MIPOL1: variants seen among roughly 807,000 people sequenced by gnomAD.
MIPOL1 encodes mirror-image polydactyly 1.
In MIPOL1, 57 loss-of-function variants were observed where a neutral mutation model predicts 60.9. The ratio of observed to expected loss-of-function variants is 0.94; its 90% CI spans 0.76 to 1.17. The LOEUF is 1.17. Ranked by LOEUF, MIPOL1 falls within the 50% of genes most tolerant of loss-of-function variation. The pLI is 0.00. For synonymous variants in MIPOL1, 179 were observed against 168.8 expected, an observed-to-expected ratio of 1.06 and a Z score of -0.47; for missense variants, 551 against 511.6, an observed-to-expected ratio of 1.08 and a Z score of -0.74.
At chr14:37,271,312 A>G (rs1225012250) in intron 6 of MIPOL1, among the ~76,000 whole-genome samples, 3 of 152,014 alleles carry the variant, frequency 2.0e-5, no homozygotes, top group African/African-American at 7.2e-5. Flanking sequence ...GATATCACTG[A>G]TTTTTAACAT....
At chr14:37,464,171 T>C (rs1441664252) in intron 11 of MIPOL1, among the ~76,000 whole-genome samples, 1 of 152,208 alleles carries the variant, frequency 6.6e-6, no homozygotes, top group Admixed American at 6.5e-5. Flanking sequence ...TGTAAATTAG[T>C]ACAACCTCTA....
chr14:37,430,750 A>C (rs1348978572), intron 11 of MIPOL1, among the ~76,000 whole-genome samples: 3 of 152,306 alleles, frequency 2.0e-5, no homozygotes, highest in African/African-American at 7.2e-5. Flanking sequence ...ATATTAATAA[A>C]TGTAATTTAT....
chr14:37,449,636 C>G (rs1479746646), intron 11 of MIPOL1, among the ~76,000 whole-genome samples: 1 of 151,936 alleles, frequency 6.6e-6, no homozygotes, highest in Non-Finnish European at 1.5e-5. Flanking sequence ...AACCGTGTGC[C>G]AAATAGAATG....
intron 10 of MIPOL1, among the ~76,000 whole-genome samples, chr14:37,386,753 A>G (rs1302301545): frequency 1.3e-5 from 2 of 152,002 alleles, no homozygotes; most frequent in African/African-American, 4.8e-5. Flanking sequence ...ATACAGAATT[A>G]AGTGCTTAGT....
intron 12 of MIPOL1, among the ~76,000 whole-genome samples, chr14:37,515,329 A>C (rs551352556): frequency 6.6e-6 from 1 of 151,632 alleles, no homozygotes; most frequent in African/African-American, 2.4e-5. Flanking sequence ...AGACTACTTT[A>C]GCAGGTCTTT....
intron 9 of MIPOL1, 50 bp downstream of exon 9, chr14:37,308,569 A>G: frequency 2.2e-6 from 3 of 1,357,114 alleles, no homozygotes; most frequent in Non-Finnish European, 2.9e-6. Context: ...TTTCCTCTCT[A>G]TTTTTTTAAC....
At chr14:37,471,762 C>T (rs968507648) in intron 11 of MIPOL1, among the ~76,000 whole-genome samples, 2 of 152,010 alleles carry the variant, frequency 1.3e-5, no homozygotes, top group Admixed American at 6.6e-5. Context: ...GGCCTTTGTA[C>T]GTGTTCCTCC....
intron 11 of MIPOL1, among the ~76,000 whole-genome samples, chr14:37,423,182 T>A (rs1298264472): frequency 6.6e-6 from 1 of 151,790 alleles, no homozygotes; most frequent in Non-Finnish European, 1.5e-5. Flanking sequence ...GAAATTTACA[T>A]AATCCATTAC....
At chr14:37,423,517 T>C (rs1156386340) in intron 11 of MIPOL1, 1 of 151,872 alleles carries the variant, frequency 6.6e-6, no homozygotes, top group Admixed American at 6.6e-5. Context: ...GGTAAACTTT[T>C]GTTTCAGGTT....
chr14:37,215,207 TGACCTTACCTATCATTG>T (rs1967421633), intron 1 of MIPOL1, among the ~76,000 whole-genome samples: 1 of 152,144 alleles, frequency 6.6e-6, no homozygotes, highest in African/African-American at 2.4e-5. Flanking sequence ...GTGACCAATG[TGACCTTACCTATCATTG>T]GAGATGGCTC....
At chr14:37,402,978 C>T (rs759344801) in intron 10 of MIPOL1, among the ~76,000 whole-genome samples, 11 of 152,110 alleles carry the variant, frequency 7.2e-5, no homozygotes, top group Non-Finnish European at 1.6e-4. Context: ...ACAACCTGTT[C>T]GTTTCCACAG....
intron 9 of MIPOL1, among the ~76,000 whole-genome samples, chr14:37,363,643 G>A (rs533471040): frequency 6.6e-6 from 1 of 152,284 alleles, no homozygotes; most frequent in South Asian, 2.1e-4. Flanking sequence ...TGCCGTGCTG[G>A]GAGAACCACT....
chr14:37,483,240 G>A (rs1235914699), intron 11 of MIPOL1, among the ~76,000 whole-genome samples: 2 of 151,564 alleles, frequency 1.3e-5, no homozygotes, highest in African/African-American at 2.4e-5. Flanking sequence ...AGCCTCCCGA[G>A]TAGCTGGGAT....
At chr14:37,279,481 A>G (rs2083924033) in intron 6 of MIPOL1, among the ~76,000 whole-genome samples, 1 of 151,916 alleles carries the variant, frequency 6.6e-6, no homozygotes, top group African/African-American at 2.4e-5. Context: ...AATGTTTGAG[A>G]GTTGCATATT....
At chr14:37,360,669 T>A (rs567455771) in intron 9 of MIPOL1, among the ~76,000 whole-genome samples, 1 of 150,744 alleles carries the variant, frequency 6.6e-6, no homozygotes, top group East Asian at 2.0e-4. Context: ...TGATATCCCC[T>A]TTGTCATTTT....
chr14:37,308,719 A>G (rs1376927014), intron 9 of MIPOL1, among the ~76,000 whole-genome samples, 200 bp downstream of exon 9: 1 of 152,186 alleles, frequency 6.6e-6, no homozygotes, highest in African/African-American at 2.4e-5. Context: ...CTCATTTTAA[A>G]TAAAATTTAA....
At chr14:37,326,821 A>G (rs1458126779) in intron 9 of MIPOL1, among the ~76,000 whole-genome samples, 1 of 152,242 alleles carries the variant, frequency 6.6e-6, no homozygotes, top group Non-Finnish European at 1.5e-5. Context: ...CTCCTCTGCT[A>G]TGGTCACCTT....
At chr14:37,429,700 T>C (rs1193866987) in intron 11 of MIPOL1, among the ~76,000 whole-genome samples, 1 of 152,110 alleles carries the variant, frequency 6.6e-6, no homozygotes, top group Non-Finnish European at 1.5e-5. Flanking sequence ...TAAAATTCTT[T>C]ATTTTTTTCT....
Position 37,499,212 on chromosome 14 carries a change from T to G in MIPOL1, c.1032-696T>G, listed in dbSNP as rs141912181. Reference sequence around the variant, plus strand: ...GTAATGACATATCAAAGATTTGACCTTTAGCATTTTAGGATTCTATTTGTC... The same window carrying G: ...GTAATGACATATCAAAGATTTGACCGTTAGCATTTTAGGATTCTATTTGTC... On this transcript the variant is annotated intron_variant, in intron 11 of 12. Coordinates refer to ENST00000684589, the MANE Select transcript of MIPOL1 (RefSeq NM_001388067.1). Among the ~76,000 whole-genome samples the G allele has an allele frequency of 3.9e-5, 6 of 152,298 alleles. No homozygotes were observed. In the East Asian group the frequency reaches 1.2e-3, roughly 29 times the overall value.
Sources: allele counts gnomAD v4.1 joint callset (sites outside exome capture counted in the v4.1 genomes callset), GRCh38; gene constraint gnomAD v4.1.1; transcripts MANE v1.5; gene names NCBI Gene and HGNC (gene_info 2026-07-23, HGNC 2026-07-21).